Variants in ASTN2 observed in about 807,000 individuals in gnomAD.
The protein encoded by ASTN2 is astrotactin-2.
In ASTN2, 54 loss-of-function variants were observed where a neutral mutation model predicts 139.8. The ratio of observed to expected loss-of-function variants is 0.39; its 90% CI spans 0.31 to 0.48. The LOEUF is 0.48. Ranked by LOEUF, ASTN2 falls within the 20% of genes least tolerant of loss-of-function variation. The pLI, the probability that ASTN2 is intolerant of heterozygous loss-of-function variation, is 0.95. For synonymous variants in ASTN2, 756 were observed against 719.5 expected (o/e 1.05, Z -0.81); for missense variants, 1,565 against 1,725.1 (o/e 0.91, Z 1.64).
chr9:116,596,074 A>C (rs1439833910), intron 19 of ASTN2, among the ~76,000 whole-genome samples: 1 of 152,226 alleles, frequency 6.6e-6, no homozygotes, highest in Non-Finnish European at 1.5e-5. Context: ...TGGTATATGC[A>C]TACAATGGAT....
At chr9:116,827,333 A>G (rs1423646477) in intron 11 of ASTN2, among the ~76,000 whole-genome samples, 1 of 142,870 alleles carries the variant, frequency 7.0e-6, no homozygotes, top group Non-Finnish European at 1.5e-5. Context: ...AAAAAAAAAA[A>G]GAACTAGAAA....
intron 10 of ASTN2, among the ~76,000 whole-genome samples, chr9:116,936,926 C>T (rs1323389033): frequency 6.6e-6 from 1 of 152,166 alleles, no homozygotes; most frequent in African/African-American, 2.4e-5. Flanking sequence ...GATGTGAGAG[C>T]ACATTGATGG....
chr9:116,459,233 C>T (rs2118958266), intron 20 of ASTN2, among the ~76,000 whole-genome samples: 1 of 151,966 alleles, frequency 6.6e-6, no homozygotes, highest in Middle Eastern at 3.4e-3. Context: ...AAGTGGGACC[C>T]CTATATCACA....
intron 11 of ASTN2, among the ~76,000 whole-genome samples, chr9:116,830,164 G>A: frequency 6.6e-6 from 1 of 152,170 alleles, no homozygotes; most frequent in East Asian, 1.9e-4. Flanking sequence ...ATTAAAAATT[G>A]GGCAAAAGAC....
chr9:116,881,769 A>T lies in ASTN2; in HGVS notation c.1890-18036T>A, dbSNP rs540560587. ...CAAAGAGTTGGTTTCCGTAATGGAAATCATAGGCAGCAACAGGCCGTGTTC... is the reference window on the plus strand; with the variant it reads ...CAAAGAGTTGGTTTCCGTAATGGAATTCATAGGCAGCAACAGGCCGTGTTC... On this transcript the variant is annotated intron_variant, in intron 10 of 22. Coordinates refer to ENST00000313400, the MANE Select transcript of ASTN2 (RefSeq NM_001365068.1). Among the ~76,000 whole-genome samples, 3 of 152,338 alleles carry T rather than the reference A, an allele frequency of 2.0e-5. No homozygotes were observed. The East Asian group carries it at 5.8e-4, about 29-fold the overall frequency.
At chr9:116,473,300 T>A (rs1848874485) in intron 20 of ASTN2, among the ~76,000 whole-genome samples, 1 of 152,216 alleles carries the variant, frequency 6.6e-6, no homozygotes, top group Non-Finnish European at 1.5e-5. Context: ...TGTTATGGAT[T>A]TACAGGTAAC....
At chr9:117,387,245 T>G (rs1830423889) in intron 1 of ASTN2, among the ~76,000 whole-genome samples, 1 of 152,194 alleles carries the variant, frequency 6.6e-6, no homozygotes, top group African/African-American at 2.4e-5. Flanking sequence ...TATTCTGTAT[T>G]TATTTCTTCC....
rs1837969325 is a variant in ASTN2, at chr9:117,023,863, A to C, written c.1424-15604T>G. Among the ~76,000 whole-genome samples, 3 of 152,140 alleles carry C rather than the reference A, an allele frequency of 2.0e-5. No individual in the cohort carries two copies. The South Asian group carries it at 6.2e-4, about 32-fold the overall frequency. ...GAAGGAGAGAAGGATGGGGACTGAA[A>C]TAGGACTGGAGGCCTCTAGATGCCA... On this transcript the variant is annotated intron_variant, in intron 6 of 22. Transcript: ENST00000313400.
At chr9:117,048,964 T>TTTTTTTTTTTTC in intron 5 of ASTN2, among the ~76,000 whole-genome samples, 1 of 53,798 alleles carries the variant, frequency 1.9e-5, no homozygotes, top group African/African-American at 8.6e-5. Flanking sequence ...CATCCATTGC[T>TTTTTTTTTTTTC]TTTTTTTTTT....
intron 4 of ASTN2, among the ~76,000 whole-genome samples, chr9:117,118,835 C>A (rs1829469339): frequency 6.6e-6 from 1 of 152,188 alleles, no homozygotes; most frequent in Non-Finnish European, 1.5e-5. Context: ...TGTTTCTCCA[C>A]AGGTCTCTGT....
At chr9:116,427,363 C>T (rs529820170) in intron 22 of ASTN2, among the ~76,000 whole-genome samples, 4 of 152,198 alleles carry the variant, frequency 2.6e-5, no homozygotes, top group East Asian at 1.9e-4. Flanking sequence ...GAACCACTGA[C>T]CTAGTCTGAC....
At chr9:117,225,050 A>T (rs1016730) in intron 2 of ASTN2, among the ~76,000 whole-genome samples, 82,524 of 152,026 alleles carry the variant, frequency 0.54, 23,283 homozygotes, top group East Asian at 0.86. Context: ...GTATTTCTAC[A>T]CTGAGAGGCA....
chr9:116,561,477 C>A (rs1471368586), intron 19 of ASTN2, among the ~76,000 whole-genome samples: 1 of 152,058 alleles, frequency 6.6e-6, no homozygotes, highest in Non-Finnish European at 1.5e-5. Flanking sequence ...TCATCAGGTG[C>A]CAGGTTGAGA....
At chr9:116,783,560 T>C (rs1830279429) in intron 13 of ASTN2, among the ~76,000 whole-genome samples, 1 of 152,156 alleles carries the variant, frequency 6.6e-6, no homozygotes, top group African/African-American at 2.4e-5. Flanking sequence ...TATATCCAAC[T>C]ATTCAGTGAG....
At chr9:116,920,913 C>T (rs1311215001) in intron 10 of ASTN2, among the ~76,000 whole-genome samples, 1 of 152,202 alleles carries the variant, frequency 6.6e-6, no homozygotes, top group Non-Finnish European at 1.5e-5. Flanking sequence ...TATGTCCTCA[C>T]AGGAAATATC....
At position 116,821,542 on chromosome 9, in the gene ASTN2, G is replaced by T. The variant is rs573697196; in HGVS notation, c.2041-759C>A. ...CTCCTAGCCAGTCTGCTGGACTCCA[G>T]TCAGGCCTTCTCAAAACCATCCTCC... On this transcript the variant is annotated intron_variant, in intron 11 of 22. Transcript: ENST00000313400. Among the ~76,000 whole-genome samples the T allele has an allele frequency of 3.3e-5, 5 of 152,290 alleles. No homozygotes were observed. In the East Asian group the frequency reaches 7.7e-4, roughly 24 times the overall value.
intron 10 of ASTN2, among the ~76,000 whole-genome samples, chr9:116,969,866 C>A (rs1160494823): frequency 6.6e-6 from 1 of 152,150 alleles, no homozygotes; most frequent in Non-Finnish European, 1.5e-5. Context: ...GTTTCTGTGG[C>A]TGCTGCAACA....
At chr9:117,189,844 C>T (rs1474830992) in intron 3 of ASTN2, among the ~76,000 whole-genome samples, 1 of 152,190 alleles carries the variant, frequency 6.6e-6, no homozygotes, top group Non-Finnish European at 1.5e-5. Context: ...GAGTGGTATC[C>T]TTTCCTAGAC....
At chr9:117,346,813 C>A (rs997703075) in intron 1 of ASTN2, among the ~76,000 whole-genome samples, 1 of 152,076 alleles carries the variant, frequency 6.6e-6, no homozygotes, top group Admixed American at 6.6e-5. Flanking sequence ...CACTGCTAAC[C>A]TCAATATATT....
Sources: allele counts gnomAD v4.1 joint callset (sites outside exome capture counted in the v4.1 genomes callset), GRCh38; gene constraint gnomAD v4.1.1; transcripts MANE v1.5; gene names NCBI Gene and HGNC (gene_info 2026-07-23, HGNC 2026-07-21).